The following CNGB3 variants were observed in gnomAD, a reference collection of about 807,000 sequenced individuals.
CNGB3 encodes cyclic nucleotide-gated channel beta-3.
Under a neutral mutation model 92.8 loss-of-function variants are expected in CNGB3, and 86 were observed. That is an observed-to-expected ratio of 0.93 (90% CI 0.78 to 1.11). CNGB3 has a LOEUF of 1.11. Among genes scored for constraint, CNGB3 ranks in the 50% least tolerant of loss-of-function variants. The probability of loss-of-function intolerance (pLI) is 0.00; values close to 1 mark genes in which losing one functional copy is unlikely to be tolerated. For synonymous variants in CNGB3, 333 were observed against 332.7 expected (o/e 1.00, Z -0.01); for missense variants, 1,026 against 956.8 (o/e 1.07, Z -0.95).
At chr8:86,625,737 C>T (rs1302629758) in intron 13 of CNGB3, among the ~76,000 whole-genome samples, 4 of 151,966 alleles carry the variant, frequency 2.6e-5, no homozygotes, top group Non-Finnish European at 4.4e-5. Flanking sequence ...TAAATTAATG[C>T]AAGAAGAGTC....
intron 3 of CNGB3, among the ~76,000 whole-genome samples, chr8:86,702,215 C>T (rs1824570368): frequency 6.6e-6 from 1 of 152,180 alleles, no homozygotes; most frequent in Admixed American, 6.5e-5. Flanking sequence ...ACTGGCTGCA[C>T]AGACAAATCT....
In CNGB3 at chr8:86,575,636, C is replaced by A. The variant is rs116597007; in HGVS notation, c.*168G>T. 1,819 of 560,148 alleles carry A rather than the reference C, an allele frequency of 3.2e-3. 32 individuals carry two copies. Among genetic ancestry groups the A allele is most frequent in the African/African-American group, 0.031 (1,630 of 52,306 alleles). 34.7% of individuals were successfully genotyped at this position (560,148 alleles called of 1,614,324 possible). Reference sequence around the variant, plus strand: ...TGGCTTTTAATAATCTTCTTATTACCACTGCATGAAATCACACTCTCAGAT... The same window carrying A: ...TGGCTTTTAATAATCTTCTTATTACAACTGCATGAAATCACACTCTCAGAT... On this transcript the variant is annotated 3_prime_UTR_variant, in exon 18 of 18. Coordinates refer to ENST00000320005, the MANE Select transcript of CNGB3 (RefSeq NM_019098.5).
At chr8:86,622,657 ATC>A (rs1822762700) in intron 13 of CNGB3, among the ~76,000 whole-genome samples, 2 of 152,248 alleles carry the variant, frequency 1.3e-5, no homozygotes, top group Admixed American at 1.3e-4. Flanking sequence ...TCAAGCTATC[ATC>A]CTGCCTCCAC....
At chr8:86,624,788 C>CA (rs2131579342) in intron 13 of CNGB3, among the ~76,000 whole-genome samples, 1 of 152,312 alleles carries the variant, frequency 6.6e-6, no homozygotes, top group African/African-American at 2.4e-5. Context: ...TCTGTGTCTC[C>CA]ACCAAATCTT....
chr8:86,690,487 A>T (rs1824289848), intron 3 of CNGB3, among the ~76,000 whole-genome samples: 1 of 151,778 alleles, frequency 6.6e-6, no homozygotes, highest in Non-Finnish European at 1.5e-5. Flanking sequence ...GATTGCAAAA[A>T]TTTTCTCCCA....
At chr8:86,694,905 G>A (rs1054213461) in intron 3 of CNGB3, among the ~76,000 whole-genome samples, 4 of 152,086 alleles carry the variant, frequency 2.6e-5, no homozygotes, top group African/African-American at 4.8e-5. Flanking sequence ...GGTGGCGCCC[G>A]GGCAGAGGCT....
At chr8:86,684,208 A>G (rs764132427) in intron 3 of CNGB3, among the ~76,000 whole-genome samples, 12 of 152,192 alleles carry the variant, frequency 7.9e-5, no homozygotes, top group Non-Finnish European at 1.2e-4. Context: ...CATTTCACGG[A>G]AGATGATATG....
At chr8:86,693,193 T>C (rs996405523) in intron 3 of CNGB3, among the ~76,000 whole-genome samples, 2 of 152,152 alleles carry the variant, frequency 1.3e-5, no homozygotes, top group East Asian at 3.9e-4. Flanking sequence ...GACAACCTGA[T>C]GACTGTGTGC....
intron 3 of CNGB3, among the ~76,000 whole-genome samples, chr8:86,710,379 C>T (rs1022387633): frequency 4.6e-5 from 7 of 152,106 alleles, no homozygotes; most frequent in African/African-American, 1.7e-4. Flanking sequence ...CACTCCCCAC[C>T]CCCATCTCTA....
intron 15 of CNGB3, among the ~76,000 whole-genome samples, chr8:86,580,975 A>G (rs1821752179): frequency 6.6e-6 from 1 of 152,186 alleles, no homozygotes; most frequent in African/African-American, 2.4e-5. Flanking sequence ...GTGCCTGAAG[A>G]TTTATGTTAT....
chr8:86,716,438 A>G (rs1046740321), intron 3 of CNGB3, among the ~76,000 whole-genome samples: 1 of 152,224 alleles, frequency 6.6e-6, no homozygotes, highest in East Asian at 1.9e-4. Flanking sequence ...TAAAGTCAAG[A>G]TGAAGGAAAA....
chr8:86,590,679 C>G (rs1412636434), intron 15 of CNGB3, among the ~76,000 whole-genome samples: 2 of 148,698 alleles, frequency 1.3e-5, no homozygotes, highest in Admixed American at 1.3e-4. Flanking sequence ...CCACTCTCTT[C>G]TGGCTTGTAG....
intron 15 of CNGB3, among the ~76,000 whole-genome samples, chr8:86,602,885 T>C (rs1401076482): frequency 6.6e-6 from 1 of 152,244 alleles, no homozygotes; most frequent in Non-Finnish European, 1.5e-5. Context: ...CATAAATTCC[T>C]ATCATGGCGT....
chr8:86,636,572 C>CAAAAAAAAAAAAAAA (rs57907634), intron 10 of CNGB3, among the ~76,000 whole-genome samples: 2 of 40,092 alleles, frequency 5.0e-5, no homozygotes, highest in Non-Finnish European at 8.3e-5. Flanking sequence ...GACCCTGTCT[C>CAAAAAAAAAAAAAAA]AAAAAAAAAA....
At chr8:86,688,921 G>A (rs577664765) in intron 3 of CNGB3, among the ~76,000 whole-genome samples, 1 of 151,620 alleles carries the variant, frequency 6.6e-6, no homozygotes, top group Non-Finnish European at 1.5e-5. Flanking sequence ...TTAGGTAGGT[G>A]CTTATTGCTA....
chr8:86,666,855 C>T (rs1464726029), intron 6 of CNGB3, 70 bp downstream of exon 6: 14 of 1,201,380 alleles, frequency 1.2e-5, no homozygotes, highest in African/African-American at 3.0e-5. Flanking sequence ...TAAAACAATG[C>T]TGTTACTTTT....
chr8:86,632,742 C>T lies in CNGB3; in HGVS notation c.1320+10G>A, dbSNP rs374379465. 2.6e-5 allele frequency: 42 copies of T among 1,612,754 alleles called. No individual in the cohort carries two copies. The highest frequency in any genetic ancestry group is 3.3e-5 in the Non-Finnish European group (39 of 1,179,584). Reference sequence around the variant, plus strand: ...AGCACTGTGTATCCAGTGATTCATACTCAGCTTACCTGACCAATTAAACTG... The same window carrying T: ...AGCACTGTGTATCCAGTGATTCATATTCAGCTTACCTGACCAATTAAACTG... On this transcript the variant is annotated intron_variant, in intron 11 of 17. Transcript: ENST00000320005.
At position 86,627,165 on chromosome 8, in the gene CNGB3, T is replaced by A. The variant is rs146262708; in HGVS notation, c.1481-1085A>T. Among the ~76,000 whole-genome samples the A allele has an allele frequency of 7.9e-5, 12 of 152,282 alleles. No individual in the cohort carries two copies. The East Asian group carries it at 1.9e-3, about 25-fold the overall frequency. ...AGAAATTGCTGTATTACATCCCTAT[T>A]TTGATTCAAATATAGATTCTAAATA... is the stretch of plus-strand genomic sequence containing the variant. On this transcript the variant is annotated intron_variant, in intron 12 of 17. Coordinates refer to ENST00000320005, the MANE Select transcript of CNGB3 (RefSeq NM_019098.5).
At chr8:86,659,258 C>T (rs879235586) in intron 6 of CNGB3, 1 of 779,982 alleles carries the variant, frequency 1.3e-6, no homozygotes, top group East Asian at 2.4e-5. Context: ...GGTCTTTCTC[C>T]ATCTGTAGCT....
Sources: gnomAD v4.1 joint callset for allele counts (sites outside exome capture counted in the v4.1 genomes callset) on GRCh38, gnomAD v4.1.1 for gene constraint, MANE v1.5 for transcripts, NCBI Gene and HGNC (gene_info 2026-07-23, HGNC 2026-07-21) for gene names.